The following CDH13 variants were observed in gnomAD, a reference collection of about 807,000 sequenced individuals.
The protein encoded by CDH13 is cadherin-13.
CDH13 carries 24 observed loss-of-function variants against 63.8 expected under a neutral mutation model. That is an observed-to-expected ratio of 0.38 (90% CI 0.27 to 0.53). The LOEUF is 0.53. CDH13 is among the 20% of genes least tolerant of loss of function. CDH13 has a pLI of 0.85. For missense variants in CDH13, 1,049 were observed against 903.1 expected, an observed-to-expected ratio of 1.16 and a Z score of -2.07; for synonymous variants, 503 against 355.3, an observed-to-expected ratio of 1.42 and a Z score of -4.67.
At chr16:83,488,677 T>A (rs1390570126) in intron 7 of CDH13, among the ~76,000 whole-genome samples, 1 of 152,098 alleles carries the variant, frequency 6.6e-6, no homozygotes, top group East Asian at 1.9e-4. Flanking sequence ...CAGGTTGGAG[T>A]GCAGTGGCAC....
intron 2 of CDH13, among the ~76,000 whole-genome samples, chr16:83,001,635 G>A (rs1026556670): frequency 1.3e-5 from 2 of 152,218 alleles, no homozygotes; most frequent in Non-Finnish European, 2.9e-5. Flanking sequence ...TAATGGATGT[G>A]CCACTCTGAG....
chr16:83,125,622 A>C lies in CDH13; in HGVS notation c.483+121A>C, dbSNP rs151001954. On this transcript the variant is annotated intron_variant, in intron 4 of 13. Coordinates refer to ENST00000567109, the MANE Select transcript of CDH13 (RefSeq NM_001257.5). ...AGTCTTCATCTGTCTATGATAAGAGACCAAATGGTTTAGTCATGAAAAGAA... is the reference window on the plus strand; with the variant it reads ...AGTCTTCATCTGTCTATGATAAGAGCCCAAATGGTTTAGTCATGAAAAGAA... 4.3e-3 allele frequency: 2,486 copies of C among 575,900 alleles called. 18 individuals are homozygous for C. The highest frequency in any genetic ancestry group is 0.021 in the African/African-American group (1,113 of 53,424). The allele number at this position is 575,900 out of a possible 1,614,324, so 35.7% of individuals were successfully genotyped here. A position where few individuals can be genotyped will look rare whatever the true frequency, so the allele number is the denominator to read the frequency against.
At chr16:82,848,307 G>T (rs1425602267) in intron 1 of CDH13, among the ~76,000 whole-genome samples, 1 of 152,158 alleles carries the variant, frequency 6.6e-6, no homozygotes, top group Non-Finnish European at 1.5e-5. Flanking sequence ...GCAATGCTTT[G>T]TGTCCCTAGT....
chr16:82,889,550 A>G (rs2041007643), intron 2 of CDH13, among the ~76,000 whole-genome samples: 1 of 152,236 alleles, frequency 6.6e-6, no homozygotes, highest in Non-Finnish European at 1.5e-5. Context: ...TAACAGCCAA[A>G]GCAAAGAGTA....
intron 2 of CDH13, among the ~76,000 whole-genome samples, chr16:82,972,167 G>T (rs1433709663): frequency 6.6e-6 from 1 of 152,144 alleles, no homozygotes; most frequent in Non-Finnish European, 1.5e-5. Context: ...GCAGGACCAG[G>T]GGTTAAAACC....
chr16:83,305,940 C>T (rs1378117714), intron 5 of CDH13, among the ~76,000 whole-genome samples: 1 of 152,206 alleles, frequency 6.6e-6, no homozygotes, highest in Admixed American at 6.5e-5. Flanking sequence ...GTGAACAATA[C>T]AGTGATCATT....
intron 1 of CDH13, among the ~76,000 whole-genome samples, chr16:82,645,857 A>G (rs1910030138): frequency 6.6e-6 from 1 of 152,254 alleles, no homozygotes; most frequent in African/African-American, 2.4e-5. Context: ...AAGGGCATTT[A>G]AGAAGCTAAG....
At chr16:83,519,608 C>G (rs1870175870) in intron 7 of CDH13, among the ~76,000 whole-genome samples, 2 of 152,100 alleles carry the variant, frequency 1.3e-5, no homozygotes. Context: ...GAGAAGTTGC[C>G]TAGGAAATGA....
intron 1 of CDH13, among the ~76,000 whole-genome samples, chr16:82,794,183 CT>C (rs113788844): frequency 1.8e-3 from 260 of 142,930 alleles, no homozygotes; most frequent in Middle Eastern, 3.5e-3. Context: ...CTTTTCTTTT[CT>C]TTTTTTTTTT....
intron 1 of CDH13, among the ~76,000 whole-genome samples, chr16:82,694,986 T>C (rs893705464): frequency 6.6e-6 from 1 of 152,166 alleles, no homozygotes; most frequent in South Asian, 2.1e-4. Flanking sequence ...AAACACATAA[T>C]GGTGCATGTG....
At chr16:83,406,527 A>T (rs2092050476) in intron 6 of CDH13, among the ~76,000 whole-genome samples, 1 of 151,290 alleles carries the variant, frequency 6.6e-6, no homozygotes, top group Non-Finnish European at 1.5e-5. Context: ...GCAATGGCAC[A>T]ATCTTGTCTC....
At chr16:83,003,281 A>G (rs1913129626) in intron 2 of CDH13, among the ~76,000 whole-genome samples, 1 of 152,178 alleles carries the variant, frequency 6.6e-6, no homozygotes, top group African/African-American at 2.4e-5. Flanking sequence ...GAAAAGGTCA[A>G]GGGCTGTGGA....
intron 7 of CDH13, among the ~76,000 whole-genome samples, chr16:83,575,534 C>T (rs138502098): frequency 4.6e-5 from 7 of 152,278 alleles, no homozygotes; most frequent in East Asian, 3.9e-4. Context: ...CCCTCTGTCT[C>T]GGCCCTCCAG....
intron 1 of CDH13, among the ~76,000 whole-genome samples, chr16:82,831,647 GTCATTTCAC>G (rs1567579882): frequency 6.6e-6 from 1 of 152,148 alleles, no homozygotes; most frequent in Non-Finnish European, 1.5e-5. Context: ...TAACGTCCAG[GTCATTTCAC>G]TTATGAGACA....
At chr16:82,981,889 T>C (rs967514686) in intron 2 of CDH13, among the ~76,000 whole-genome samples, 1 of 152,168 alleles carries the variant, frequency 6.6e-6, no homozygotes, top group Non-Finnish European at 1.5e-5. Flanking sequence ...TCGAACACTG[T>C]TGACTTTCTT....
chr16:83,773,199 G>T (rs977240316), intron 11 of CDH13, among the ~76,000 whole-genome samples: 2 of 152,146 alleles, frequency 1.3e-5, no homozygotes, highest in African/African-American at 4.8e-5. Context: ...CTAGCAACAG[G>T]TTGGAAGATT....
At chr16:83,584,817 C>T (rs1032136701) in intron 7 of CDH13, among the ~76,000 whole-genome samples, 2 of 152,214 alleles carry the variant, frequency 1.3e-5, no homozygotes, top group African/African-American at 2.4e-5. Context: ...ATCTGCATTG[C>T]TTCTGATGAG....
At chr16:83,744,841 A>G (rs1372995964) in intron 10 of CDH13, among the ~76,000 whole-genome samples, 1 of 152,226 alleles carries the variant, frequency 6.6e-6, no homozygotes, top group East Asian at 1.9e-4. Flanking sequence ...GCTCACTGTT[A>G]GAACCCAGGT....
At chr16:82,831,527 C>T (rs537776234) in intron 1 of CDH13, among the ~76,000 whole-genome samples, 2 of 152,100 alleles carry the variant, frequency 1.3e-5, no homozygotes, top group Non-Finnish European at 1.5e-5. Context: ...ACAACTCCAA[C>T]AATGACACAA....
Sources: allele counts gnomAD v4.1 joint callset (sites outside exome capture counted in the v4.1 genomes callset), GRCh38; gene constraint gnomAD v4.1.1; transcripts MANE v1.5; gene names NCBI Gene and HGNC (gene_info 2026-07-23, HGNC 2026-07-21).